The following RAPGEF1 variants were observed in gnomAD, a reference collection of about 807,000 sequenced individuals.
RAPGEF1 encodes CRK SH3-binding GNRP.
A neutral mutation model predicts 143.3 loss-of-function variants in RAPGEF1; 33 were observed. The observed-to-expected ratio is 0.23, with a 90% CI of 0.17 to 0.31. The LOEUF (loss-of-function observed/expected upper bound fraction) is 0.31, where lower values mean the gene tolerates loss of function less well. Ranked by LOEUF, RAPGEF1 falls within the 10% of genes least tolerant of loss-of-function variation. RAPGEF1 has a pLI of 1.00. For synonymous variants in RAPGEF1, 629 were observed against 676.5 expected (o/e 0.93, Z 1.09); for missense variants, 1,199 against 1,645.4 (o/e 0.73, Z 4.69).
At chr9:131,737,050 G>A (rs577474082) in intron 1 of RAPGEF1, among the ~76,000 whole-genome samples, 3 of 152,224 alleles carry the variant, frequency 2.0e-5, no homozygotes, top group East Asian at 1.9e-4. Context: ...CACTCCAGGC[G>A]CGCCCCAGTC....
chr9:131,587,562 G>A (rs1374683242), intron 22 of RAPGEF1, among the ~76,000 whole-genome samples, 174 bp downstream of exon 22: 2 of 152,126 alleles, frequency 1.3e-5, no homozygotes, highest in East Asian at 3.9e-4. Flanking sequence ...GCCCCATCCT[G>A]TCCCTGCCCC....
chr9:131,659,849 C>T (rs969985423), intron 1 of RAPGEF1, among the ~76,000 whole-genome samples: 7 of 152,000 alleles, frequency 4.6e-5, no homozygotes, highest in East Asian at 3.9e-4. Flanking sequence ...TATGGAGTCT[C>T]GCTCTGTCGC....
intron 24 of RAPGEF1, among the ~76,000 whole-genome samples, chr9:131,582,993 T>A (rs1025967083): frequency 2.6e-5 from 4 of 152,318 alleles, no homozygotes; most frequent in South Asian, 4.1e-4. Flanking sequence ...AGCGCTTGTG[T>A]GTATACGACA....
chr9:131,628,635 C>G lies in RAPGEF1; in HGVS notation c.931G>C (p.Ala311Pro), dbSNP rs767136792. 2.3e-5 allele frequency: 37 copies of G among 1,610,650 alleles called. No individual in the cohort carries two copies. The highest frequency in any genetic ancestry group is 3.1e-5 in the Non-Finnish European group (37 of 1,177,294). ...PALPPKKRQS[A>P]PSPTRVAVVA... ...ACAGCCACTCGGGTAGGGGACGGCG[C>G]CGACTGTCTTTTCTTGGGTGGCAAT... Residue 311 changes from alanine to proline, a missense_variant, in exon 8 of 27, where the codon GCG (alanine) becomes CCG (proline). Ala to Pro is a conservative substitution (Grantham distance 27). Around this residue, in one of 6 missense-constraint regions of RAPGEF1, gnomAD observed 613 missense variants for 710.9 expected, o/e 0.86. Coordinates refer to ENST00000683357, the MANE Select transcript of RAPGEF1 (RefSeq NM_001377935.1). This position sits in a 1 kb window ranked among gnomAD's most constrained non-coding sequence, Gnocchi z 5.7.
intron 1 of RAPGEF1, among the ~76,000 whole-genome samples, chr9:131,657,393 C>T (rs1972778449): frequency 6.6e-6 from 1 of 152,230 alleles, no homozygotes; most frequent in Non-Finnish European, 1.5e-5. Flanking sequence ...TATTCCCCTG[C>T]TTTTCACACT....
chr9:131,612,364 C>CA (rs1332362957), intron 12 of RAPGEF1, among the ~76,000 whole-genome samples: 2 of 152,180 alleles, frequency 1.3e-5, no homozygotes, highest in Admixed American at 6.5e-5. Flanking sequence ...ACCGATCAGC[C>CA]AAAATGCCAG....
intron 1 of RAPGEF1, among the ~76,000 whole-genome samples, chr9:131,652,208 T>C (rs1185658868): frequency 6.6e-6 from 1 of 152,058 alleles, no homozygotes; most frequent in Non-Finnish European, 1.5e-5. Flanking sequence ...TAGCTTACTG[T>C]AACTTTTTTA....
At chr9:131,627,735 G>A (rs975874976) in intron 9 of RAPGEF1, among the ~76,000 whole-genome samples, 178 bp downstream of exon 9, 2 of 152,086 alleles carry the variant, frequency 1.3e-5, no homozygotes, top group Non-Finnish European at 1.5e-5. Context: ...CAACTTCCTT[G>A]GGAGGCAGAT....
chr9:131,590,051 CCACT>C, intron 18 of RAPGEF1, 73 bp from the exon 19 acceptor site: 1 of 1,342,832 alleles, frequency 7.4e-7, no homozygotes, highest in East Asian at 2.3e-5. Flanking sequence ...CTCCTGGTGA[CCACT>C]CACTGAGCGC....
chr9:131,660,114 G>A (rs969666524), intron 1 of RAPGEF1, among the ~76,000 whole-genome samples: 4 of 152,088 alleles, frequency 2.6e-5, no homozygotes, highest in South Asian at 2.1e-4. Context: ...CACTGCACCC[G>A]GCCTGGAGTT....
intron 1 of RAPGEF1, among the ~76,000 whole-genome samples, chr9:131,729,239 G>A (rs1383473516): frequency 6.6e-6 from 1 of 151,940 alleles, no homozygotes; most frequent in Non-Finnish European, 1.5e-5. Context: ...TGTACACAAC[G>A]CAGGTGGTGG....
At chr9:131,692,223 C>T (rs1833830683) in intron 1 of RAPGEF1, among the ~76,000 whole-genome samples, 2 of 152,300 alleles carry the variant, frequency 1.3e-5, no homozygotes, top group South Asian at 4.1e-4. Context: ...CGAGACTAAG[C>T]TCATTTTGCA....
intron 1 of RAPGEF1, among the ~76,000 whole-genome samples, chr9:131,658,032 T>C (rs1322927980): frequency 6.6e-6 from 1 of 152,234 alleles, no homozygotes; most frequent in East Asian, 1.9e-4. Flanking sequence ...CCCAGCTTTA[T>C]TTATCTGCTC....
At chr9:131,646,433 G>A (rs11998899) in intron 3 of RAPGEF1, among the ~76,000 whole-genome samples, 5,971 of 152,318 alleles carry the variant, frequency 0.039, 242 homozygotes, top group East Asian at 0.09. Context: ...GACCCCGATG[G>A]CAGAGATGGA....
chr9:131,686,043 G>C (rs1459358589), intron 1 of RAPGEF1, among the ~76,000 whole-genome samples: 5 of 152,130 alleles, frequency 3.3e-5, no homozygotes, highest in Middle Eastern at 3.2e-3. Flanking sequence ...TCACTGATAC[G>C]ATTCTGGTGT....
intron 1 of RAPGEF1, among the ~76,000 whole-genome samples, chr9:131,723,688 C>G (rs1836433983): frequency 6.6e-6 from 1 of 152,216 alleles, no homozygotes; most frequent in Non-Finnish European, 1.5e-5. Context: ...CAGTGGACAC[C>G]TGGGTCACTT....
chr9:131,645,917 C>T (rs1969469246), intron 3 of RAPGEF1, among the ~76,000 whole-genome samples: 2 of 152,262 alleles, frequency 1.3e-5, no homozygotes, highest in Non-Finnish European at 2.9e-5. Flanking sequence ...ACATCTGCCC[C>T]GTGTAACTAA....
At chr9:131,608,308 A>G (rs1368992111) in intron 12 of RAPGEF1, among the ~76,000 whole-genome samples, 1 of 152,218 alleles carries the variant, frequency 6.6e-6, no homozygotes, top group East Asian at 1.9e-4. Flanking sequence ...GTACTGGGGC[A>G]TTCAGTAGGG....
chr9:131,683,684 T>C (rs1833100218), intron 1 of RAPGEF1, among the ~76,000 whole-genome samples: 1 of 152,382 alleles, frequency 6.6e-6, no homozygotes, highest in African/African-American at 2.4e-5. Context: ...TAAAGCTTTA[T>C]TCTGGATCAA....
Sources: allele counts gnomAD v4.1 joint callset (sites outside exome capture counted in the v4.1 genomes callset), GRCh38; gene constraint gnomAD v4.1.1; regional missense constraint gnomAD v4.1.1; non-coding constraint Gnocchi (gnomAD v3.1); transcripts MANE v1.5; gene names NCBI Gene and HGNC (gene_info 2026-07-23, HGNC 2026-07-21).